The following RALGPS1 variants were observed in gnomAD, a reference collection of about 807,000 sequenced individuals.
RALGPS1 encodes the protein ras-specific guanine nucleotide-releasing factor RalGPS1.
Under a neutral mutation model 78.8 loss-of-function variants are expected in RALGPS1, and 19 were observed. The ratio of observed to expected loss-of-function variants is 0.24; its 90% CI spans 0.17 to 0.35. RALGPS1 has a LOEUF of 0.35. RALGPS1 is among the 10% of genes least tolerant of loss of function. The pLI is 1.00. For synonymous variants in RALGPS1, 228 were observed against 256.3 expected (o/e 0.89, Z 1.06); for missense variants, 454 against 688.3 (o/e 0.66, Z 3.81).
At chr9:126,963,244 G>A (rs547655544) in intron 2 of RALGPS1, among the ~76,000 whole-genome samples, 4 of 152,236 alleles carry the variant, frequency 2.6e-5, no homozygotes, top group Admixed American at 2.0e-4. Context: ...TATAATACCC[G>A]AAATCCCAGG....
chr9:126,932,399 T>C (rs1018864715), intron 1 of RALGPS1, among the ~76,000 whole-genome samples: 1 of 152,194 alleles, frequency 6.6e-6, no homozygotes, highest in African/African-American at 2.4e-5. Context: ...GACCCAACTT[T>C]GAGACAGACA....
chr9:127,168,858 G>T (rs1588294770), intron 10 of RALGPS1, 86 bp downstream of exon 10: 1 of 1,099,492 alleles, frequency 9.1e-7, no homozygotes, highest in Non-Finnish European at 1.4e-6. Context: ...CCTAGCCCTT[G>T]TTGGGACCAG....
intron 3 of RALGPS1, among the ~76,000 whole-genome samples, chr9:126,976,461 C>T (rs374585103): frequency 1.3e-5 from 2 of 152,168 alleles, no homozygotes; most frequent in South Asian, 2.1e-4. Context: ...CACATAAACA[C>T]ACTGTCTTAT....
chr9:127,187,937 T>C (rs1272094766), intron 11 of RALGPS1, among the ~76,000 whole-genome samples: 1 of 152,098 alleles, frequency 6.6e-6, no homozygotes, highest in African/African-American at 2.4e-5. Flanking sequence ...GCTCCAGGTC[T>C]GCAATGCCCA....
At chr9:127,013,526 A>G (rs1202130468) in intron 4 of RALGPS1, among the ~76,000 whole-genome samples, 3 of 151,668 alleles carry the variant, frequency 2.0e-5, no homozygotes, top group Admixed American at 6.6e-5. Context: ...CAGTCCCCAC[A>G]CCCTATCTTC....
At chr9:127,169,969 C>T (rs1051520931) in intron 10 of RALGPS1, among the ~76,000 whole-genome samples, 27 of 152,154 alleles carry the variant, frequency 1.8e-4, no homozygotes, top group African/African-American at 6.0e-4. Context: ...TGGGATGTAT[C>T]CCCGTCGTAA....
intron 8 of RALGPS1, among the ~76,000 whole-genome samples, chr9:127,072,362 G>A (rs952642333): frequency 3.3e-5 from 5 of 152,210 alleles, no homozygotes; most frequent in Non-Finnish European, 4.4e-5. Context: ...ACAGGTGCAC[G>A]CCACCACGTC....
chr9:127,030,033 A>T (rs1334291568), intron 4 of RALGPS1, among the ~76,000 whole-genome samples: 1 of 152,190 alleles, frequency 6.6e-6, no homozygotes, highest in African/African-American at 2.4e-5. Context: ...TTTGTGATAA[A>T]CATTCTTCTT....
At chr9:127,132,396 C>G (rs890247614) in intron 8 of RALGPS1, among the ~76,000 whole-genome samples, 1 of 152,222 alleles carries the variant, frequency 6.6e-6, no homozygotes, top group Non-Finnish European at 1.5e-5. Context: ...TCTACCACCA[C>G]CACAACAAAA....
chr9:126,952,652 A>AGTGTGTGTGTGTGT (rs768212640), intron 1 of RALGPS1, among the ~76,000 whole-genome samples: 2,623 of 121,706 alleles, frequency 0.022, 43 homozygotes, highest in Middle Eastern at 0.033. Flanking sequence ...AGAGAGAGAG[A>AGTGTGTGTGTGTGT]GAGAGTGTGT....
chr9:127,133,692 G>T (rs992930548), intron 8 of RALGPS1, among the ~76,000 whole-genome samples: 1 of 152,210 alleles, frequency 6.6e-6, no homozygotes, highest in Non-Finnish European at 1.5e-5. Flanking sequence ...ACCCTAGGGG[G>T]ACCCTCTCCA....
At chr9:126,953,863 T>C (rs1335722383) in intron 1 of RALGPS1, among the ~76,000 whole-genome samples, 1 of 152,218 alleles carries the variant, frequency 6.6e-6, no homozygotes, top group Non-Finnish European at 1.5e-5. Context: ...TGGGGAGTCC[T>C]GCCTATCTTA....
intron 1 of RALGPS1, among the ~76,000 whole-genome samples, chr9:126,945,193 C>T (rs1222080409): frequency 6.6e-6 from 1 of 152,010 alleles, no homozygotes; most frequent in Non-Finnish European, 1.5e-5. Flanking sequence ...GTCAGGTGTC[C>T]TCTCTTTCTC....
intron 1 of RALGPS1, among the ~76,000 whole-genome samples, chr9:126,948,147 G>A (rs917089115): frequency 1.3e-5 from 2 of 152,150 alleles, no homozygotes; most frequent in African/African-American, 2.4e-5. Flanking sequence ...TTTGGGGAGA[G>A]CAGACTTGCC....
chr9:126,937,126 A>G (rs2036339259), intron 1 of RALGPS1, among the ~76,000 whole-genome samples: 1 of 152,210 alleles, frequency 6.6e-6, no homozygotes, highest in African/African-American at 2.4e-5. Flanking sequence ...CTGGGATTAC[A>G]GGCATGAGCC....
At chr9:127,131,899 G>T (rs539725086) in intron 8 of RALGPS1, among the ~76,000 whole-genome samples, 1 of 152,188 alleles carries the variant, frequency 6.6e-6, no homozygotes, top group Admixed American at 6.5e-5. Flanking sequence ...TCAACTGAGG[G>T]CTTGTTAAAA....
chr9:127,045,710 T>C (rs904218541), intron 5 of RALGPS1, among the ~76,000 whole-genome samples: 7 of 151,286 alleles, frequency 4.6e-5, no homozygotes, highest in East Asian at 3.9e-4. Context: ...TTTACAGATA[T>C]GTGTATAGGC....
rs1251191858 is a variant in RALGPS1, at chr9:127,195,147, A to G, written c.967A>G (p.Thr323Ala). The stretch of plus-strand genomic sequence containing the variant: ...CAGCCGGAGGCCCACCTGTCCTGAC[A>G]CATCTGTTGCTGGCAGCCTCCCCAC... The part of the protein sequence containing the change: ...RFSRRPTCPD[T>A]SVAGSLPTPP... Residue 323 changes from threonine (T) to alanine (A), a missense_variant, in exon 12 of 19, where the codon ACA (threonine) becomes GCA (alanine). Thr to Ala is a moderately conservative substitution (Grantham distance 58). Transcript: ENST00000259351. The G allele has an allele frequency of 1.9e-6, 3 of 1,613,364 alleles. No individual in the cohort carries two copies. Among genetic ancestry groups the G allele is most frequent in the East Asian group, 2.2e-5 (1 of 44,874 alleles).
intron 4 of RALGPS1, among the ~76,000 whole-genome samples, chr9:126,986,818 G>A (rs541389037): frequency 7.2e-5 from 11 of 152,324 alleles, no homozygotes; most frequent in African/African-American, 2.4e-4. Flanking sequence ...TGAAGCTGAG[G>A]TTGAGTCACA....
Sources: allele counts gnomAD v4.1 joint callset (sites outside exome capture counted in the v4.1 genomes callset), GRCh38; gene constraint gnomAD v4.1.1; transcripts MANE v1.5; gene names NCBI Gene and HGNC (gene_info 2026-07-23, HGNC 2026-07-21).